Variants in DAB1 observed in about 807,000 individuals in gnomAD.
DAB1 encodes the protein disabled homolog 1.
Under a neutral mutation model 64.6 loss-of-function variants are expected in DAB1, and 15 were observed. The ratio of observed to expected loss-of-function variants is 0.23; its 90% confidence interval spans 0.16 to 0.36. The LOEUF (loss-of-function observed/expected upper bound fraction) is 0.36, where lower values mean the gene tolerates loss of function less well. Among genes scored for constraint, DAB1 ranks in the 10% least tolerant of loss-of-function variants. The probability of loss-of-function intolerance (pLI) is 1.00; values close to 1 mark genes in which losing one functional copy is unlikely to be tolerated. For missense variants in DAB1, 596 were observed against 706.7 expected (o/e 0.84, Z 1.78); for synonymous variants, 235 against 251.9 (o/e 0.93, Z 0.64).
At chr1:57,853,214 C>CAAAATACAT (rs1480839946) in intron 1 of DAB1, among the ~76,000 whole-genome samples, 1 of 146,374 alleles carries the variant, frequency 6.8e-6, no homozygotes, top group Non-Finnish European at 1.5e-5. Context: ...GTTATTAGAT[C>CAAAATACAT]AAAATACATA....
chr1:57,486,439 C>A lies in DAB1; in HGVS notation n.625+163153G>T, dbSNP rs1644092794. 1.3e-5 allele frequency among the ~76,000 whole-genome samples: 2 copies of A among 152,256 alleles called. 1 individual carries two copies. Among genetic ancestry groups the A allele is most frequent in the South Asian group, 4.1e-4 (2 of 4,824 alleles). On this transcript the variant is annotated intron_variant and non_coding_transcript_variant, in intron 7 of 20. Transcript: ENST00000485760. Reference sequence around the variant, plus strand: ...GTGGGACCCAGAGGAGGAGAGACTGCCAGTCTGGTCTATGACAAGCAGCAT... The same window carrying A: ...GTGGGACCCAGAGGAGGAGAGACTGACAGTCTGGTCTATGACAAGCAGCAT...
intron 1 of DAB1, among the ~76,000 whole-genome samples, chr1:57,327,093 C>A (rs1178493850): frequency 6.6e-6 from 1 of 152,112 alleles, no homozygotes; most frequent in Non-Finnish European, 1.5e-5. Context: ...CGTGTGACCT[C>A]ACACTTGGCT....
At chr1:58,093,360 T>C (rs1232385521) in intron 5 of DAB1, among the ~76,000 whole-genome samples, 1 of 152,162 alleles carries the variant, frequency 6.6e-6, no homozygotes, top group Non-Finnish European at 1.5e-5. Flanking sequence ...GGATTAGTAT[T>C]GGTCTGTGCT....
At position 56,998,016 on chromosome 1, in the gene DAB1, CAA is replaced by C. The variant is rs926492793; in HGVS notation, c.*126_*127del. 1 of 152,554 alleles carries C rather than the reference CAA, an allele frequency of 6.6e-6. No homozygotes were observed. The highest frequency in any genetic ancestry group is 2.4e-5 in the African/African-American group (1 of 41,428). The allele number at this position is 152,554 out of a possible 1,614,324, so 9.5% of individuals were successfully genotyped here. On this transcript the variant is annotated 3_prime_UTR_variant, in exon 15 of 15. Transcript: ENST00000371236. The stretch of plus-strand genomic sequence containing the variant: ...TCTTGTGGGAAGAGGTGAAAGAATA[CAA>C]GAGAGCCTGTCGTGATGCTGATGTC...
At chr1:58,453,212 G>T (rs1201114948) in intron 3 of DAB1, among the ~76,000 whole-genome samples, 2 of 152,106 alleles carry the variant, frequency 1.3e-5, no homozygotes, top group South Asian at 4.1e-4. Context: ...GTGATCACCG[G>T]GGGGTAGAGG....
At chr1:58,446,322 G>A (rs945173056) in intron 3 of DAB1, among the ~76,000 whole-genome samples, 1 of 152,172 alleles carries the variant, frequency 6.6e-6, no homozygotes, top group Non-Finnish European at 1.5e-5. Context: ...AAATTTCTCA[G>A]TAAATATTAG....
chr1:57,164,487 T>C (rs1557844950), intron 2 of DAB1, among the ~76,000 whole-genome samples: 1 of 152,118 alleles, frequency 6.6e-6, no homozygotes, highest in East Asian at 1.9e-4. Flanking sequence ...TTATACAGCA[T>C]GACTTTACCT....
intron 4 of DAB1, among the ~76,000 whole-genome samples, chr1:58,213,755 T>C (rs903823200): frequency 6.6e-5 from 10 of 152,216 alleles, no homozygotes; most frequent in Non-Finnish European, 1.3e-4. Context: ...TGTCTGGATC[T>C]GTAGTCTACC....
At chr1:57,790,094 G>C (rs555776728) in intron 6 of DAB1, among the ~76,000 whole-genome samples, 2 of 152,196 alleles carry the variant, frequency 1.3e-5, no homozygotes, top group Admixed American at 1.3e-4. Flanking sequence ...GAGCTGATAA[G>C]AAAGTGGTAG....
chr1:57,810,521 T>C (rs1477549588), intron 6 of DAB1, among the ~76,000 whole-genome samples: 3 of 152,032 alleles, frequency 2.0e-5, no homozygotes, highest in South Asian at 2.1e-4. Flanking sequence ...GGCATAAAGG[T>C]GTGAAGCAGC....
At chr1:57,220,543 A>G (rs1557965556) in intron 2 of DAB1, among the ~76,000 whole-genome samples, 1 of 152,222 alleles carries the variant, frequency 6.6e-6, no homozygotes, top group African/African-American at 2.4e-5. Context: ...AGGGAAACAG[A>G]GCCTTAGAGA....
At chr1:57,836,346 A>G (rs1216451331) in intron 1 of DAB1, among the ~76,000 whole-genome samples, 2 of 152,222 alleles carry the variant, frequency 1.3e-5, no homozygotes, top group Non-Finnish European at 2.9e-5. Flanking sequence ...GGAAAATGGC[A>G]GCAAAGACTA....
intron 7 of DAB1, among the ~76,000 whole-genome samples, chr1:57,569,604 G>C (rs1645168881): frequency 6.6e-6 from 1 of 152,004 alleles, no homozygotes; most frequent in Non-Finnish European, 1.5e-5. Context: ...TTGTGTGGTG[G>C]GGGTAGGGGG....
intron 2 of DAB1, among the ~76,000 whole-genome samples, chr1:57,226,672 A>AAAAAATAT (rs747021990): frequency 3.2e-4 from 43 of 135,996 alleles, no homozygotes; most frequent in African/African-American, 1.1e-3. Context: ...TTAAAAAAAA[A>AAAAAATAT]ATATATATAT....
At chr1:57,659,632 T>G (rs571566214) in intron 6 of DAB1, among the ~76,000 whole-genome samples, 1 of 152,188 alleles carries the variant, frequency 6.6e-6, no homozygotes, top group Admixed American at 6.5e-5. Flanking sequence ...TTTTGACTAT[T>G]ACTAAGGTTT....
chr1:58,071,030 A>G (rs1649203314), intron 5 of DAB1, among the ~76,000 whole-genome samples: 1 of 152,156 alleles, frequency 6.6e-6, no homozygotes, highest in Admixed American at 6.5e-5. Flanking sequence ...GCAGCCAGGA[A>G]TGTGGAGGGA....
At chr1:58,340,364 C>A (rs186431571) in intron 4 of DAB1, among the ~76,000 whole-genome samples, 1 of 152,100 alleles carries the variant, frequency 6.6e-6, no homozygotes, top group Non-Finnish European at 1.5e-5. Context: ...CCTCATGAGC[C>A]GGGCCCCTTA....
intron 4 of DAB1, among the ~76,000 whole-genome samples, chr1:58,201,611 A>G (rs1314700077): frequency 6.6e-6 from 1 of 152,170 alleles, no homozygotes; most frequent in African/African-American, 2.4e-5. Flanking sequence ...TTCTGTGTCC[A>G]CTGTTAGCTT....
chr1:58,257,809 A>G (rs1012989935), intron 4 of DAB1, among the ~76,000 whole-genome samples: 1 of 152,174 alleles, frequency 6.6e-6, no homozygotes, highest in Admixed American at 6.5e-5. Flanking sequence ...AGTGACCCCT[A>G]TGAGGTTATG....
Sources: allele counts gnomAD v4.1 joint callset (sites outside exome capture counted in the v4.1 genomes callset), GRCh38; gene constraint gnomAD v4.1.1; transcripts MANE v1.5; gene names NCBI Gene and HGNC (gene_info 2026-07-23, HGNC 2026-07-21).